Variants in BRD4 observed in about 807,000 individuals in gnomAD.
The protein encoded by BRD4 is bromodomain containing 4, also known as bromodomain-containing protein 4.
In BRD4, 16 loss-of-function variants were observed where a neutral mutation model predicts 142.1. That is an observed-to-expected ratio of 0.11 (90% CI 0.08 to 0.17). The LOEUF is 0.17. BRD4 is among the 10% of genes least tolerant of loss of function. The pLI, the probability that BRD4 is intolerant of heterozygous loss-of-function variation, is 1.00. For missense variants in BRD4, 1,424 were observed against 1,810.9 expected (o/e 0.79, Z 3.88); for synonymous variants, 833 against 707.5 (o/e 1.18, Z -2.82).
intron 7 of BRD4, chr19:15,257,380 TCA>T: frequency 1.7e-6 from 1 of 578,822 alleles, no homozygotes; most frequent in African/African-American, 1.9e-5. Context: ...CTCTCAAATC[TCA>T]CTTTGAAGAA....
intron 9 of BRD4, 35 bp downstream of exon 9, chr19:15,256,029 G>C: frequency 6.2e-7 from 1 of 1,606,018 alleles, no homozygotes; most frequent in Non-Finnish European, 8.5e-7. Context: ...CTGGAAGGAG[G>C]GTCCCCACCC....
chr19:15,255,130 G>T lies in BRD4; in HGVS notation c.2047+167C>A, dbSNP rs533236577. Among the ~76,000 whole-genome samples the T allele has an allele frequency of 2.7e-5, 4 of 150,698 alleles. No individual in the cohort carries two copies. The East Asian group carries it at 7.9e-4, about 30-fold the overall frequency. On this transcript the variant is annotated intron_variant, in intron 10 of 19. Transcript: ENST00000679869. ...AGAAAGGCACTGACAGCCTAGGGGTGAGTGCAATGTCACAACCTTTCGGAG... is the reference window on the plus strand; with the variant it reads ...AGAAAGGCACTGACAGCCTAGGGGTTAGTGCAATGTCACAACCTTTCGGAG...
chr19:15,302,921 T>C (rs566040877), intron 1 of BRD4, among the ~76,000 whole-genome samples: 2 of 144,372 alleles, frequency 1.4e-5, no homozygotes, highest in South Asian at 4.3e-4. Flanking sequence ...GGCAGGAGAA[T>C]GGCGTGAACC....
intron 1 of BRD4, among the ~76,000 whole-genome samples, chr19:15,316,481 C>G (rs949920802): frequency 1.4e-4 from 22 of 152,058 alleles, no homozygotes; most frequent in Non-Finnish European, 3.1e-4. Flanking sequence ...ATCCCAGCAA[C>G]TCAGGAGGCT....
At chr19:15,306,039 T>C (rs2047910928) in intron 1 of BRD4, among the ~76,000 whole-genome samples, 1 of 152,196 alleles carries the variant, frequency 6.6e-6, no homozygotes, top group South Asian at 2.1e-4. Flanking sequence ...TTGAATAGAG[T>C]TACTACGGCC....
intron 5 of BRD4, among the ~76,000 whole-genome samples, chr19:15,265,116 GCA>G (rs2047517875): frequency 6.6e-6 from 1 of 152,240 alleles, no homozygotes; most frequent in African/African-American, 2.4e-5. Flanking sequence ...CTGCAAATAT[GCA>G]CAGTCTAAAT....
intron 1 of BRD4, among the ~76,000 whole-genome samples, chr19:15,274,647 A>C (rs1257655108): frequency 1.3e-5 from 2 of 152,228 alleles, no homozygotes; most frequent in Non-Finnish European, 2.9e-5. Context: ...TAAATTTTCC[A>C]TTAAGTAATG....
chr19:15,273,478 C>T (rs2047612537), intron 1 of BRD4, among the ~76,000 whole-genome samples: 1 of 152,212 alleles, frequency 6.6e-6, no homozygotes, highest in Admixed American at 6.5e-5. Context: ...CTTTTCCCAC[C>T]TGTGAGTTTT....
In BRD4 at chr19:15,243,431, G is replaced by A. The variant is rs2145512251; in HGVS notation, c.2638C>T (p.Leu880=). Residue 880 remains leucine (L), a synonymous_variant, in exon 14 of 20, where the codon CTG becomes TTG. Coordinates refer to ENST00000679869, the MANE Select transcript of BRD4 (RefSeq NM_001379291.1). ...PSRPSNRAAA[L]PPKPARPPAV... is the part of the protein sequence containing the mutation. ...GGGGGCCGGGCGGGCTTGGGAGGCA[G>A]GGCAGCGGCTCGGTTGCTGGGCCGT... The A allele has an allele frequency of 1.3e-6, 2 of 1,578,944 alleles. No homozygotes were observed. Among genetic ancestry groups the A allele is most frequent in the South Asian group, 1.2e-5 (1 of 85,178 alleles).
rs776258180 is a variant in BRD4, at chr19:15,239,978, G to T, written c.3214C>A (p.Gln1072Lys). 1.9e-6 allele frequency: 3 copies of T among 1,613,754 alleles called. No individual in the cohort carries two copies. The highest frequency in any genetic ancestry group is 1.1e-5 in the South Asian group (1 of 91,062). Residue 1072 changes from glutamine (Q) to lysine (K), a missense_variant, in exon 15 of 20, where the codon CAG becomes AAG. This residue lies in a region of BRD4 where 598 missense variants were observed against 647.8 expected (regional missense o/e 0.92). Coordinates refer to ENST00000679869, the MANE Select transcript of BRD4 (RefSeq NM_001379291.1). This position sits in a 1 kb window ranked among gnomAD's most constrained non-coding sequence, Gnocchi z 7.4. Reference sequence around the variant, plus strand: ...GTCAGGCTCTGGAACTGTGACATCTGGGGGGAATGTATCATAAGCGGGGAG... The same window carrying T: ...GTCAGGCTCTGGAACTGTGACATCTTGGGGGAATGTATCATAAGCGGGGAG... Reference protein sequence around the residue: ...APSPLMIHSPQMSQFQSLTHQ... With the variant: ...APSPLMIHSPKMSQFQSLTHQ...
chr19:15,318,578 G>A (rs1176117472), intron 1 of BRD4, among the ~76,000 whole-genome samples: 7 of 152,170 alleles, frequency 4.6e-5, no homozygotes. Context: ...CAGTGCATGC[G>A]TAAGCAAATG....
At chr19:15,256,504 C>A (rs1485706706) in intron 8 of BRD4, among the ~76,000 whole-genome samples, 1 of 152,194 alleles carries the variant, frequency 6.6e-6, no homozygotes, top group Non-Finnish European at 1.5e-5. Context: ...TCTTCCTCAC[C>A]AGAGGAGCTG....
chr19:15,256,021 G>A, intron 9 of BRD4, 43 bp downstream of exon 9: 1 of 1,605,412 alleles, frequency 6.2e-7, no homozygotes, highest in Non-Finnish European at 8.5e-7. Flanking sequence ...AGCAAGCCCT[G>A]GAAGGAGGGT....
chr19:15,242,799 C>G lies in BRD4; in HGVS notation c.3169+101G>C, dbSNP rs1212310272. On this transcript the variant is annotated intron_variant, in intron 14 of 19. Transcript: ENST00000679869. Reference sequence around the variant, plus strand: ...CCAAGCTGAGGCTCAGCTCTGAACCCACTGCAGCCTGAAGCATGAGTTAAC... The same window carrying G: ...CCAAGCTGAGGCTCAGCTCTGAACCGACTGCAGCCTGAAGCATGAGTTAAC... 4 of 1,515,174 alleles carry G rather than the reference C, an allele frequency of 2.6e-6. No individual in the cohort carries two copies. In the Admixed American group the frequency reaches 8.1e-5, roughly 31 times the overall value. 93.9% of individuals were successfully genotyped at this position (1,515,174 alleles called of 1,614,324 possible).
intron 1 of BRD4, chr19:15,331,777 T>C (rs1263478442): frequency 1.3e-5 from 2 of 149,150 alleles, no homozygotes; most frequent in Non-Finnish European, 3.0e-5. Flanking sequence ...CGAGCCCGCC[T>C]AGAGGACCGC....
chr19:15,329,577 A>T (rs576005600), intron 1 of BRD4, among the ~76,000 whole-genome samples: 59 of 152,094 alleles, frequency 3.9e-4, no homozygotes, highest in African/African-American at 1.4e-3. Flanking sequence ...CGTCTCTACT[A>T]AAAATACAAA....
At chr19:15,284,443 A>C (rs956232859) in intron 1 of BRD4, among the ~76,000 whole-genome samples, 2 of 152,194 alleles carry the variant, frequency 1.3e-5, no homozygotes, top group Non-Finnish European at 2.9e-5. Context: ...CAGTGTCTCA[A>C]GTGCTGGATT....
At chr19:15,313,005 G>C (rs2047985713) in intron 1 of BRD4, among the ~76,000 whole-genome samples, 1 of 152,088 alleles carries the variant, frequency 6.6e-6, no homozygotes, top group Admixed American at 6.6e-5. Context: ...CTGGAGGGTG[G>C]AGGTTGCCAT....
At chr19:15,326,374 C>T (rs1380641061) in intron 1 of BRD4, among the ~76,000 whole-genome samples, 1 of 151,560 alleles carries the variant, frequency 6.6e-6, no homozygotes, top group African/African-American at 2.4e-5. Context: ...GGCTGAGGCA[C>T]AAGAATGGCT....
Sources: allele counts gnomAD v4.1 joint callset (sites outside exome capture counted in the v4.1 genomes callset), GRCh38; gene constraint gnomAD v4.1.1; regional missense constraint gnomAD v4.1.1; non-coding constraint Gnocchi (gnomAD v3.1); transcripts MANE v1.5; gene names NCBI Gene and HGNC (gene_info 2026-07-23, HGNC 2026-07-21).